The following PLXNA4 variants were observed in gnomAD, a reference collection of about 807,000 sequenced individuals.
The protein encoded by PLXNA4 is plexin-A4.
PLXNA4 carries 44 observed loss-of-function variants against 191.8 expected under a neutral mutation model. That is an observed-to-expected ratio of 0.23 (90% confidence interval 0.18 to 0.29). The LOEUF is 0.29. Ranked by LOEUF, PLXNA4 falls within the 10% of genes least tolerant of loss-of-function variation. The pLI is 1.00. For synonymous variants in PLXNA4, 1,082 were observed against 1,009.5 expected (o/e 1.07, Z -1.36); for missense variants, 1,800 against 2,488.8 (o/e 0.72, Z 5.89).
intron 3 of PLXNA4, among the ~76,000 whole-genome samples, chr7:132,390,061 C>A (rs559140276): frequency 6.6e-6 from 1 of 152,264 alleles, no homozygotes; most frequent in East Asian, 1.9e-4. Context: ...GCAATCCCAT[C>A]ACTGGGTATA....
chr7:132,188,228 G>C (rs1796943233), intron 14 of PLXNA4, among the ~76,000 whole-genome samples: 1 of 152,158 alleles, frequency 6.6e-6, no homozygotes, highest in Admixed American at 6.5e-5. Flanking sequence ...TTCAAGGGCT[G>C]CCCCCAGCCC....
chr7:132,590,704 T>A (rs1585390266), intron 2 of PLXNA4, among the ~76,000 whole-genome samples: 2 of 152,246 alleles, frequency 1.3e-5, no homozygotes, highest in South Asian at 4.2e-4. Context: ...AGATTGAGGG[T>A]GGGTTGTGCC....
chr7:132,188,034 CTG>C (rs1262242184), intron 14 of PLXNA4, among the ~76,000 whole-genome samples: 3 of 151,928 alleles, frequency 2.0e-5, no homozygotes, highest in Middle Eastern at 3.2e-3. Context: ...AATGGCATAA[CTG>C]AGATCTTACC....
At chr7:132,404,882 G>A (rs956322961) in intron 3 of PLXNA4, among the ~76,000 whole-genome samples, 1 of 152,042 alleles carries the variant, frequency 6.6e-6, no homozygotes, top group Non-Finnish European at 1.5e-5. Context: ...GAAGCTTCAG[G>A]GGGAGTACTG....
intron 1 of PLXNA4, among the ~76,000 whole-genome samples, chr7:132,514,825 C>T (rs1667407495): frequency 6.6e-6 from 1 of 152,140 alleles, no homozygotes; most frequent in African/African-American, 2.4e-5. Flanking sequence ...CACACACACA[C>T]ACATCCTCTT....
At chr7:132,309,795 T>C (rs556812330) in intron 3 of PLXNA4, among the ~76,000 whole-genome samples, 13 of 152,268 alleles carry the variant, frequency 8.5e-5, no homozygotes, top group Admixed American at 7.8e-4. Flanking sequence ...TGTGAGCTGC[T>C]ACCACACCTT....
intron 4 of PLXNA4, among the ~76,000 whole-genome samples, chr7:132,287,858 A>C (rs1800742066): frequency 6.6e-6 from 1 of 152,116 alleles, no homozygotes; most frequent in Non-Finnish European, 1.5e-5. Context: ...GCTACAACAA[A>C]GGAGAAGTAA....
intron 1 of PLXNA4, among the ~76,000 whole-genome samples, chr7:132,571,005 A>G (rs1054401596): frequency 6.6e-6 from 1 of 152,124 alleles, no homozygotes; most frequent in African/African-American, 2.4e-5. Flanking sequence ...CCTTCTAGCC[A>G]CCTCAAGTTG....
intron 3 of PLXNA4, among the ~76,000 whole-genome samples, chr7:132,430,136 T>C (rs111710591): frequency 0.014 from 2,144 of 152,292 alleles, 41 homozygotes; most frequent in African/African-American, 0.049. Context: ...CTACTGCCTC[T>C]CCGTTTAGCA....
At chr7:132,232,511 C>A (rs927897093) in intron 5 of PLXNA4, among the ~76,000 whole-genome samples, 2 of 152,182 alleles carry the variant, frequency 1.3e-5, no homozygotes, top group Non-Finnish European at 2.9e-5. Context: ...CCTCTTCTGA[C>A]CTCTCTTCCT....
chr7:132,640,539 G>A (rs975477586), intron 2 of PLXNA4, among the ~76,000 whole-genome samples: 1 of 152,132 alleles, frequency 6.6e-6, no homozygotes, highest in African/African-American at 2.4e-5. Flanking sequence ...GGTTATGAGA[G>A]CACACAGAGA....
At position 132,187,535 on chromosome 7, in the gene PLXNA4, T is replaced by C. The variant is rs1796919940; in HGVS notation, c.2929A>G (p.Thr977Ala). 4 of 1,614,176 alleles carry C rather than the reference T, an allele frequency of 2.5e-6. No homozygotes were observed. Among genetic ancestry groups the C allele is most frequent in the Non-Finnish European group, 2.5e-6 (3 of 1,180,000 alleles). ...SGGTQVTITG[T>A]NLNAGSNVVV... The stretch of plus-strand genomic sequence containing the variant: ...ACGTTGCTTCCGGCATTCAGGTTGG[T>C]GCCTGTGATGGTCACTTGGGTCCCT... Residue 977 changes from threonine (T) to alanine (A), a missense_variant, in exon 15 of 32, where the codon ACC becomes GCC. Physicochemically the swap from Thr to Ala is moderately conservative, Grantham distance 58 (BLOSUM62 0). Transcript: ENST00000321063.
chr7:132,545,841 A>G (rs963751591), intron 1 of PLXNA4, among the ~76,000 whole-genome samples: 1 of 152,234 alleles, frequency 6.6e-6, no homozygotes, highest in East Asian at 1.9e-4. Flanking sequence ...CCACAAAGTC[A>G]TCAGGCACCT....
chr7:132,595,551 C>T (rs751728801), intron 2 of PLXNA4, among the ~76,000 whole-genome samples: 4 of 152,150 alleles, frequency 2.6e-5, no homozygotes, highest in Non-Finnish European at 5.9e-5. Context: ...GTTCTTAAAA[C>T]CCATATTATT....
intron 4 of PLXNA4, among the ~76,000 whole-genome samples, chr7:132,245,747 C>T (rs1458642319): frequency 6.6e-6 from 1 of 152,156 alleles, no homozygotes; most frequent in Admixed American, 6.5e-5. Flanking sequence ...GAATATTATT[C>T]AGCCTTAAAA....
intron 3 of PLXNA4, among the ~76,000 whole-genome samples, chr7:132,424,253 C>T (rs1052458701): frequency 5.9e-5 from 9 of 152,130 alleles, no homozygotes; most frequent in Admixed American, 3.3e-4. Context: ...TGCTGGTCTG[C>T]CCCCCGCTCC....
At chr7:132,494,927 A>T (rs559616762) in intron 2 of PLXNA4, among the ~76,000 whole-genome samples, 36 of 152,262 alleles carry the variant, frequency 2.4e-4, no homozygotes, top group African/African-American at 8.4e-4. Flanking sequence ...GTCTCTGTGG[A>T]GACTCCCTGG....
At chr7:132,147,860 G>A in intron 27 of PLXNA4, 40 bp downstream of exon 27, 1 of 1,613,036 alleles carries the variant, frequency 6.2e-7, no homozygotes, top group Non-Finnish European at 8.5e-7. Flanking sequence ...CAGCTGCTCA[G>A]GACACCCAGG....
At chr7:132,190,918 C>A (rs905789384) in intron 14 of PLXNA4, among the ~76,000 whole-genome samples, 16 of 152,152 alleles carry the variant, frequency 1.1e-4, no homozygotes, top group Non-Finnish European at 2.1e-4. Context: ...GTCTGGAGTC[C>A]CAGTAAATGG....
Sources: allele counts gnomAD v4.1 joint callset (sites outside exome capture counted in the v4.1 genomes callset), GRCh38; gene constraint gnomAD v4.1.1; transcripts MANE v1.5; gene names NCBI Gene and HGNC (gene_info 2026-07-23, HGNC 2026-07-21).